The following UBASH3B variants were observed in gnomAD, a reference collection of about 807,000 sequenced individuals.
The protein encoded by UBASH3B is ubiquitin-associated and SH3 domain-containing protein B.
Under a neutral mutation model 83.4 loss-of-function variants are expected in UBASH3B, and 37 were observed. The observed-to-expected ratio is 0.44, with a 90% CI of 0.34 to 0.58. UBASH3B has a LOEUF of 0.58. Among genes scored for constraint, UBASH3B ranks in the 20% least tolerant of loss-of-function variants. The pLI is 0.01. For synonymous variants in UBASH3B, 304 were observed against 318.3 expected, an observed-to-expected ratio of 0.96 and a Z score of 0.48; for missense variants, 657 against 827.2, an observed-to-expected ratio of 0.79 and a Z score of 2.52.
At chr11:122,674,777 G>A (rs1262743294) in intron 1 of UBASH3B, among the ~76,000 whole-genome samples, 3 of 141,480 alleles carry the variant, frequency 2.1e-5, no homozygotes, top group Non-Finnish European at 3.0e-5. Context: ...GGCCCAGGCT[G>A]GAGTGCAGTG....
chr11:122,720,115 C>G (rs1452928439), intron 1 of UBASH3B, among the ~76,000 whole-genome samples: 1 of 152,154 alleles, frequency 6.6e-6, no homozygotes, highest in Non-Finnish European at 1.5e-5. Context: ...GCTGACAACT[C>G]CTGCACTTAC....
chr11:122,808,422 T>C (rs1861379966), intron 13 of UBASH3B, among the ~76,000 whole-genome samples: 1 of 152,244 alleles, frequency 6.6e-6, no homozygotes, highest in Non-Finnish European at 1.5e-5. Flanking sequence ...AGGAAGCAGC[T>C]AGGAATTATA....
At chr11:122,712,906 T>TTG (rs1864216281) in intron 1 of UBASH3B, among the ~76,000 whole-genome samples, 5 of 92,788 alleles carry the variant, frequency 5.4e-5, no homozygotes, top group Non-Finnish European at 1.2e-4. Context: ...GTTTTTTTTT[T>TTG]TTTTTTTTTT....
intron 6 of UBASH3B, among the ~76,000 whole-genome samples, chr11:122,790,890 G>A (rs1014186769): frequency 1.3e-5 from 2 of 151,980 alleles, no homozygotes; most frequent in Admixed American, 6.5e-5. Flanking sequence ...GGTGGAGGTT[G>A]CAGTGAGCTG....
intron 1 of UBASH3B, among the ~76,000 whole-genome samples, chr11:122,766,475 G>A (rs1405320092): frequency 6.6e-6 from 1 of 152,232 alleles, no homozygotes; most frequent in Non-Finnish European, 1.5e-5. Flanking sequence ...AACCCGGGAG[G>A]CGGAGCTTGC....
At position 122,808,121 on chromosome 11, in the gene UBASH3B, A is replaced by T. The variant is rs766441688; in HGVS notation, c.1757A>T (p.Gln586Leu). Residue 586 changes from glutamine to leucine, a missense_variant, in exon 13 of 14, where the codon CAA becomes CTA. Gln to Leu is a moderately radical substitution (Grantham distance 113). This residue lies in a region of UBASH3B where 573 missense variants were observed against 739.0 expected (regional missense o/e 0.78). Coordinates refer to ENST00000284273, the MANE Select transcript of UBASH3B (RefSeq NM_032873.5). ...HASSLEACTC[Q>L]LQGLSPQNSK... ...TCTTCCCTTGAAGCGTGTACCTGCC[A>T]ACTTCAGGGCCTGTCACCTCAGAAC... 10 of 1,614,058 alleles carry T rather than the reference A, an allele frequency of 6.2e-6. No homozygotes were observed. The African/African-American group carries it at 8.0e-5, about 13-fold the overall frequency.
At chr11:122,799,096 C>A in intron 10 of UBASH3B, 62 bp downstream of exon 10, 2 of 1,359,626 alleles carry the variant, frequency 1.5e-6, no homozygotes, top group Non-Finnish European at 2.1e-6. Flanking sequence ...CAGCCCCACA[C>A]ATAAATTATC....
intron 1 of UBASH3B, among the ~76,000 whole-genome samples, chr11:122,699,877 C>G (rs1319962744): frequency 6.6e-6 from 1 of 152,158 alleles, no homozygotes; most frequent in Non-Finnish European, 1.5e-5. Context: ...AGTCACCATG[C>G]CCAGCCCAGA....
At chr11:122,748,904 C>CT (rs1565551094) in intron 1 of UBASH3B, among the ~76,000 whole-genome samples, 2 of 152,212 alleles carry the variant, frequency 1.3e-5, no homozygotes, top group East Asian at 3.9e-4. Context: ...TTTTTTCTTT[C>CT]TTTTTTTTAA....
At chr11:122,742,112 G>A (rs905203823) in intron 1 of UBASH3B, among the ~76,000 whole-genome samples, 4 of 152,208 alleles carry the variant, frequency 2.6e-5, no homozygotes, top group East Asian at 1.9e-4. Flanking sequence ...TCAGGGATCC[G>A]CTTCCTCCAG....
chr11:122,739,056 T>TG (rs1295890607), intron 1 of UBASH3B, among the ~76,000 whole-genome samples: 1 of 152,112 alleles, frequency 6.6e-6, no homozygotes, highest in Admixed American at 6.6e-5. Context: ...TGGAGTGTGG[T>TG]GGCACGATCA....
At chr11:122,711,367 C>T (rs1321518399) in intron 1 of UBASH3B, among the ~76,000 whole-genome samples, 2 of 152,184 alleles carry the variant, frequency 1.3e-5, no homozygotes, top group East Asian at 1.9e-4. Context: ...ATTTTTCTTT[C>T]GTCACTCTCC....
chr11:122,670,227 A>T (rs1400608728), intron 1 of UBASH3B, among the ~76,000 whole-genome samples: 1 of 151,898 alleles, frequency 6.6e-6, no homozygotes, highest in Non-Finnish European at 1.5e-5. Context: ...TCAGCTCCCA[A>T]CTGTGAGAAA....
At chr11:122,671,057 C>A (rs1458198956) in intron 1 of UBASH3B, among the ~76,000 whole-genome samples, 1 of 152,080 alleles carries the variant, frequency 6.6e-6, no homozygotes, top group African/African-American at 2.4e-5. Flanking sequence ...GCCACCACAC[C>A]CTGCTAGAAG....
chr11:122,753,428 G>A (rs938849833), intron 1 of UBASH3B, among the ~76,000 whole-genome samples: 15 of 151,842 alleles, frequency 9.9e-5, no homozygotes, highest in African/African-American at 1.9e-4. Flanking sequence ...TCCAGCCTGG[G>A]CAATGGAGTG....
At chr11:122,705,104 T>C (rs1864097952) in intron 1 of UBASH3B, among the ~76,000 whole-genome samples, 1 of 152,190 alleles carries the variant, frequency 6.6e-6, no homozygotes. Context: ...TTTGCCCTCC[T>C]AGCTGCCAGC....
intron 9 of UBASH3B, 182 bp downstream of exon 9, chr11:122,797,215 G>T (rs1861172085): frequency 1.4e-6 from 1 of 718,118 alleles, no homozygotes. Context: ...CCCTGGGTTG[G>T]TTGACCAAAG....
At chr11:122,699,521 TTCTTTCTTTC>T (rs748525537) in intron 1 of UBASH3B, among the ~76,000 whole-genome samples, 9,911 of 116,136 alleles carry the variant, frequency 0.085, 385 homozygotes, top group East Asian at 0.1. Context: ...TTCTTTCTCT[TTCTTTCTTTC>T]TCTTTCTTTC....
intron 12 of UBASH3B, among the ~76,000 whole-genome samples, chr11:122,807,806 G>A (rs139266275): frequency 6.6e-5 from 10 of 152,086 alleles, no homozygotes; most frequent in East Asian, 5.8e-4. Context: ...CTCCCTCCTC[G>A]TTCTCTCAAA....
Sources: gnomAD v4.1 joint callset for allele counts (sites outside exome capture counted in the v4.1 genomes callset) on GRCh38, gnomAD v4.1.1 for gene constraint, gnomAD v4.1.1 regional missense constraint, MANE v1.5 for transcripts, NCBI Gene and HGNC (gene_info 2026-07-23, HGNC 2026-07-21) for gene names.